The following MYOF variants were observed in gnomAD, a reference collection of about 807,000 sequenced individuals.
MYOF encodes fer-1-like 3, myoferlin.
In MYOF, 244 loss-of-function variants were observed where a neutral mutation model predicts 284.2. The ratio of observed to expected loss-of-function variants is 0.86; its 90% CI spans 0.77 to 0.95. The LOEUF is 0.95. MYOF is among the 40% of genes least tolerant of loss of function. MYOF has a pLI of 0.00. For synonymous variants in MYOF, 904 were observed against 919.7 expected (o/e 0.98, Z 0.31); for missense variants, 2,496 against 2,560.6 (o/e 0.97, Z 0.54).
intron 53 of MYOF, 63 bp from the exon 54 acceptor site, chr10:93,307,064 T>G: frequency 6.9e-7 from 1 of 1,451,370 alleles, no homozygotes; most frequent in South Asian, 1.2e-5. Context: ...TCAGTTAGGG[T>G]TTCTCAATCT....
intron 1 of MYOF, among the ~76,000 whole-genome samples, chr10:93,478,981 T>C (rs1326378639): frequency 6.6e-6 from 1 of 152,018 alleles, no homozygotes; most frequent in Non-Finnish European, 1.5e-5. Context: ...AGCTTCACCA[T>C]TAACAATCAC....
intron 7 of MYOF, 54 bp from the exon 8 acceptor site, chr10:93,404,273 G>A (rs1286188498): frequency 3.2e-6 from 5 of 1,572,806 alleles, no homozygotes; most frequent in Non-Finnish European, 4.3e-6. Context: ...TCGGGTTAGG[G>A]GAATCTGATA....
In MYOF at chr10:93,351,599, C is replaced by T. The variant is rs772572187; in HGVS notation, c.3664-28G>A. On this transcript the variant is annotated intron_variant, in intron 33 of 53. Transcript: ENST00000359263. ...AGAGAAACAAAGTGATCCTTAAATT[C>T]CCCGACAATCATCCCTTCAAATCTC... 3 of 1,611,478 alleles carry T rather than the reference C, an allele frequency of 1.9e-6. No homozygotes were observed. In the African/African-American group the frequency reaches 4.0e-5, roughly 22 times the overall value.
chr10:93,363,974 G>C lies in MYOF; in HGVS notation c.2855C>G (p.Thr952Ser), dbSNP rs772894524. 27 of 1,613,970 alleles carry C rather than the reference G, an allele frequency of 1.7e-5. No homozygotes were observed. The highest frequency in any genetic ancestry group is 2.1e-5 in the Non-Finnish European group (25 of 1,179,982). The stretch of plus-strand genomic sequence containing the variant: ...CAGGCCACTCACCGCATCCGTGTAG[G>C]TGTCCTCGGCCGGCTTCCAGTCGCC... ...PGGDWKPAED[T>S]YTDANGDKAA... Residue 952 changes from threonine (T) to serine (S), a missense_variant, in exon 27 of 54, where the codon ACC (threonine) becomes AGC (serine). Thr to Ser is a moderately conservative substitution (Grantham distance 58). Transcript: ENST00000359263.
Position 93,367,372 on chromosome 10 carries a change from T to C in MYOF, c.2590-817A>G, listed in dbSNP as rs149317769. Among the ~76,000 whole-genome samples the C allele has an allele frequency of 3.6e-4, 55 of 152,220 alleles. No homozygotes were observed. The East Asian group carries it at 7.9e-3, about 22-fold the overall frequency. ...TCTGCTGATGAATCCACTGAGAAGA[T>C]GATTTGCATAAGCCATAGGAAAGCT... On this transcript the variant is annotated intron_variant, in intron 25 of 53. Transcript: ENST00000359263.
In MYOF at chr10:93,402,833, CA is replaced by C. The variant is rs769509201; in HGVS notation, c.874+26del. 13 of 1,594,504 alleles carry C rather than the reference CA, an allele frequency of 8.2e-6. No homozygotes were observed. In the South Asian group the frequency reaches 1.4e-4, roughly 18 times the overall value. Reference sequence around the variant, plus strand: ...GTTAGAAGGAATGAATTTAAGACTTCATATTGATGGGGAGAACATTACTTAC... The same window carrying C: ...GTTAGAAGGAATGAATTTAAGACTTCTATTGATGGGGAGAACATTACTTAC... On this transcript the variant is annotated intron_variant, in intron 10 of 53. Coordinates refer to ENST00000359263, the MANE Select transcript of MYOF (RefSeq NM_013451.4).
At position 93,328,780 on chromosome 10, in the gene MYOF, T is replaced by C; in HGVS notation, c.5114A>G (p.Tyr1705Cys). The change falls in exon 45 of 54, where the codon TAC (tyrosine) becomes TGC (cysteine). Residue 1705 changes from tyrosine (Y) to cysteine (C), a missense_variant. By Grantham distance (194) the Tyr-to-Cys change is radical. Around this residue, in one of 3 missense-constraint regions of MYOF, gnomAD observed 2,436 missense variants for 2,480.7 expected, o/e 0.98. Coordinates refer to ENST00000359263, the MANE Select transcript of MYOF (RefSeq NM_013451.4). Reference sequence around the variant, plus strand: ...GTGCTCACCAAATTCATCCAAGCTGTAGTCTCGTCCTCCATATCTGATTCT... The same window carrying C: ...GTGCTCACCAAATTCATCCAAGCTGCAGTCTCGTCCTCCATATCTGATTCT... The part of the protein sequence containing the change: ...GSRIRYGGRD[Y>C]SLDEFEANKI... The C allele has an allele frequency of 1.2e-6, 2 of 1,612,518 alleles. No homozygotes were observed. Among genetic ancestry groups the C allele is most frequent in the Non-Finnish European group, 1.7e-6 (2 of 1,178,640 alleles).
chr10:93,310,483 C>T, intron 52 of MYOF, 51 bp downstream of exon 52: 1 of 1,561,338 alleles, frequency 6.4e-7, no homozygotes, highest in Non-Finnish European at 8.8e-7. Flanking sequence ...GGAAGGGGGG[C>T]TCTCAGCCTG....
At chr10:93,481,733 C>T (rs959875748) in intron 1 of MYOF, among the ~76,000 whole-genome samples, 1 of 152,190 alleles carries the variant, frequency 6.6e-6, no homozygotes, top group African/African-American at 2.4e-5. Context: ...TTTAATTGCT[C>T]TTCTTCCTCC....
intron 17 of MYOF, among the ~76,000 whole-genome samples, chr10:93,391,734 T>TACAAA (rs1166470499): frequency 3.3e-5 from 5 of 152,202 alleles, no homozygotes; most frequent in Admixed American, 2.0e-4. Context: ...GAAAAGCCTA[T>TACAAA]ATAAAATAAA....
rs1286306279 is a variant in MYOF at position 93,369,727 on chromosome 10, A to C, written c.2507T>G (p.Val836Gly). The change falls in exon 25 of 54, where the codon GTG (valine) becomes GGG (glycine). Residue 836 changes from valine to glycine, a missense_variant. Around this residue, in one of 3 missense-constraint regions of MYOF, gnomAD observed 2,436 missense variants for 2,480.7 expected, o/e 0.98. Transcript: ENST00000359263. ...AGCACTTAAGCCTAGCCAGATGTTC[A>C]CTCGCAACTCCACAGGCACCTTTGG... is the stretch of plus-strand genomic sequence containing the variant. Reference protein sequence around the residue: ...NGPKVPVELRVNIWLGLSAVE... With the variant: ...NGPKVPVELRGNIWLGLSAVE... 1 of 1,613,994 alleles carries C rather than the reference A, an allele frequency of 6.2e-7. No homozygotes were observed. Among genetic ancestry groups the C allele is most frequent in the African/African-American group, 1.3e-5 (1 of 74,892 alleles).
chr10:93,418,967 C>A (rs1848247197), intron 5 of MYOF, among the ~76,000 whole-genome samples: 1 of 152,178 alleles, frequency 6.6e-6, no homozygotes, highest in Admixed American at 6.5e-5. Context: ...GGATCATTTT[C>A]CAGTTAGGCT....
At chr10:93,364,099 T>C (rs1046439610) in intron 26 of MYOF, 24 bp from the exon 27 acceptor site, 2 of 1,605,134 alleles carry the variant, frequency 1.2e-6, no homozygotes, top group Non-Finnish European at 1.7e-6. Flanking sequence ...AGGGCTCAAG[T>C]TACCCAAGGA....
chr10:93,373,750 CAGG>C (rs895944279), intron 23 of MYOF, among the ~76,000 whole-genome samples: 3 of 152,342 alleles, frequency 2.0e-5, no homozygotes, highest in Middle Eastern at 3.4e-3. Flanking sequence ...TTCTGAGAGA[CAGG>C]AGGAGTCGTC....
intron 3 of MYOF, among the ~76,000 whole-genome samples, chr10:93,438,730 G>A (rs970984291): frequency 6.6e-6 from 1 of 152,144 alleles, no homozygotes; most frequent in East Asian, 1.9e-4. Flanking sequence ...GGAGAGGGGG[G>A]CTTGAGTGGT....
chr10:93,403,591 T>C (rs749941809), intron 9 of MYOF, among the ~76,000 whole-genome samples: 4 of 152,206 alleles, frequency 2.6e-5, no homozygotes, highest in Non-Finnish European at 5.9e-5. Flanking sequence ...TATTTGTCCT[T>C]TCATTCCAGT....
chr10:93,424,058 G>C (rs1848476014), intron 5 of MYOF, among the ~76,000 whole-genome samples: 1 of 152,158 alleles, frequency 6.6e-6, no homozygotes, highest in Non-Finnish European at 1.5e-5. Context: ...AGGCTGAGAG[G>C]CTCCAGAAGG....
rs753397220 is a variant in MYOF, at chr10:93,327,126, G to A, written c.5132-1161C>T. On this transcript the variant is annotated intron_variant, in intron 45 of 53. Transcript: ENST00000359263. ...TGGTTTTCTGGGGACCCTCACTCTG[G>A]GGGACACCATCCACATGTAAGGAGC... Among the ~76,000 whole-genome samples the A allele has an allele frequency of 5.9e-5, 9 of 152,124 alleles. No homozygotes were observed. The South Asian group carries it at 6.2e-4, about 11-fold the overall frequency.
intron 40 of MYOF, among the ~76,000 whole-genome samples, chr10:93,337,133 G>GGTTTT (rs758689987): frequency 7.4e-6 from 1 of 135,244 alleles, no homozygotes; most frequent in Non-Finnish European, 1.6e-5. Flanking sequence ...AAAGGTGTGG[G>GGTTTT]TTTTTTTTTT....
Sources: allele counts gnomAD v4.1 joint callset (sites outside exome capture counted in the v4.1 genomes callset), GRCh38; gene constraint gnomAD v4.1.1; regional missense constraint gnomAD v4.1.1; transcripts MANE v1.5; gene names NCBI Gene and HGNC (gene_info 2026-07-23, HGNC 2026-07-21).